Variants in CERS6 observed in about 807,000 individuals in gnomAD.
The protein encoded by CERS6 is LAG1 homolog, ceramide synthase 6.
CERS6 carries 26 observed loss-of-function variants against 56.8 expected under a neutral mutation model. The observed-to-expected ratio is 0.46, with a 90% CI of 0.34 to 0.63. CERS6 has a LOEUF of 0.63. Ranked by LOEUF, CERS6 falls within the 30% of genes least tolerant of loss-of-function variation. The probability of loss-of-function intolerance (pLI) is 0.01; values close to 1 mark genes in which losing one functional copy is unlikely to be tolerated. For missense variants in CERS6, 415 were observed against 467.5 expected (o/e 0.89, Z 1.04); for synonymous variants, 164 against 173.3 (o/e 0.95, Z 0.42).
chr2:168,509,950 T>A (rs1017253137), intron 1 of CERS6, among the ~76,000 whole-genome samples: 6 of 152,208 alleles, frequency 3.9e-5, no homozygotes, highest in Non-Finnish European at 5.9e-5. Flanking sequence ...TTGTGTTGTT[T>A]TAGTTTCCAA....
At chr2:168,709,418 C>G (rs970943389) in intron 6 of CERS6, among the ~76,000 whole-genome samples, 2 of 148,634 alleles carry the variant, frequency 1.3e-5, no homozygotes, top group African/African-American at 2.5e-5. Flanking sequence ...TTGATTTTTC[C>G]CCCTTGTCTC....
chr2:168,583,492 G>A (rs946476022), intron 3 of CERS6, among the ~76,000 whole-genome samples: 4 of 152,130 alleles, frequency 2.6e-5, no homozygotes, highest in Non-Finnish European at 4.4e-5. Context: ...TTTCTCTTTC[G>A]AATTTGAGGA....
chr2:168,489,284 C>T (rs1694326700), intron 1 of CERS6, among the ~76,000 whole-genome samples: 3 of 152,074 alleles, frequency 2.0e-5, no homozygotes, highest in Admixed American at 6.6e-5. Context: ...AACCATTCTT[C>T]CTCTGTAATA....
rs147180556 is a variant in CERS6, at chr2:168,468,421, G to A, written c.170+11803G>A. Among the ~76,000 whole-genome samples the A allele has an allele frequency of 1.8e-3, 272 of 152,322 alleles. 1 individual carries two copies. The highest frequency in any genetic ancestry group is 6.3e-3 in the African/African-American group (262 of 41,582). On this transcript the variant is annotated intron_variant, in intron 1 of 9. Coordinates refer to ENST00000305747, the MANE Select transcript of CERS6 (RefSeq NM_203463.3). ...TTTATATTGACTTAAGACCTGGGCT[G>A]TGTTTTGGCCCTGCCACTTGCTAGC...
intron 3 of CERS6, among the ~76,000 whole-genome samples, chr2:168,572,780 A>G (rs1352196825): frequency 6.6e-6 from 1 of 151,926 alleles, no homozygotes; most frequent in East Asian, 1.9e-4. Flanking sequence ...GTTTGCATCC[A>G]TCTCTGCTGT....
intron 1 of CERS6, among the ~76,000 whole-genome samples, chr2:168,543,896 C>T (rs1383867478): frequency 2.0e-5 from 3 of 152,128 alleles, no homozygotes; most frequent in Non-Finnish European, 4.4e-5. Context: ...GGTCAGTCTC[C>T]TACCTTCTGG....
At chr2:168,659,707 T>A (rs1416661158) in intron 4 of CERS6, among the ~76,000 whole-genome samples, 23 of 152,108 alleles carry the variant, frequency 1.5e-4, no homozygotes, top group Admixed American at 1.5e-3. Context: ...GTTTTTTTTT[T>A]AATCACCTAA....
intron 3 of CERS6, among the ~76,000 whole-genome samples, chr2:168,585,372 G>A (rs1388848002): frequency 6.6e-6 from 1 of 152,248 alleles, no homozygotes; most frequent in Non-Finnish European, 1.5e-5. Context: ...ATTCCCCAAG[G>A]AGCTCATGTT....
At chr2:168,625,597 C>A (rs1317360092) in intron 3 of CERS6, among the ~76,000 whole-genome samples, 2 of 152,118 alleles carry the variant, frequency 1.3e-5, no homozygotes, top group African/African-American at 2.4e-5. Flanking sequence ...AATTCAAAGG[C>A]TTGTGGCTGT....
At chr2:168,635,143 A>T (rs1218504111) in intron 4 of CERS6, among the ~76,000 whole-genome samples, 1 of 152,124 alleles carries the variant, frequency 6.6e-6, no homozygotes, top group Non-Finnish European at 1.5e-5. Context: ...CACCCCACTG[A>T]GGTATAGTGG....
intron 1 of CERS6, among the ~76,000 whole-genome samples, chr2:168,494,063 T>G (rs1443527067): frequency 6.6e-6 from 1 of 152,144 alleles, no homozygotes. Context: ...TCCAGTGTTG[T>G]AGGAGGAATC....
chr2:168,613,897 A>G (rs1684245979), intron 3 of CERS6, among the ~76,000 whole-genome samples: 1 of 152,268 alleles, frequency 6.6e-6, no homozygotes, highest in Admixed American at 6.5e-5. Context: ...CAGTATGAAT[A>G]TAGCTGATGT....
At chr2:168,724,408 T>C (rs1004450960) in intron 8 of CERS6, among the ~76,000 whole-genome samples, 2 of 152,136 alleles carry the variant, frequency 1.3e-5, no homozygotes, top group African/African-American at 4.8e-5. Flanking sequence ...GAAGGCAACC[T>C]GAGTGGGTGG....
At chr2:168,631,071 T>C (rs1684705081) in intron 4 of CERS6, 29 bp downstream of exon 4, 7 of 1,205,524 alleles carry the variant, frequency 5.8e-6, no homozygotes, top group Admixed American at 2.1e-5. Context: ...TTTTACATGA[T>C]TCTTATGTAA....
chr2:168,592,872 A>C (rs1463359690), intron 3 of CERS6, among the ~76,000 whole-genome samples: 1 of 152,208 alleles, frequency 6.6e-6, no homozygotes, highest in African/African-American at 2.4e-5. Context: ...TTAGTGGCTT[A>C]AAATAACACA....
chr2:168,720,070 G>GCA (rs1687322268), intron 8 of CERS6, among the ~76,000 whole-genome samples: 1 of 66,658 alleles, frequency 1.5e-5, no homozygotes, highest in Non-Finnish European at 5.9e-5. Context: ...TGAGACTACA[G>GCA]CACGCACCAC....
At position 168,771,084 on chromosome 2, in the gene CERS6, A is replaced by G. The variant is rs1684849938; in HGVS notation, c.*1422A>G. The G allele has an allele frequency of 6.6e-6, 1 of 152,186 alleles. No homozygotes were observed. The highest frequency in any genetic ancestry group is 2.4e-5 in the African/African-American group (1 of 41,448). 9.4% of individuals were successfully genotyped at this position (152,186 alleles called of 1,614,324 possible). A position where few individuals can be genotyped will look rare whatever the true frequency, so the allele number is the denominator to read the frequency against. On this transcript the variant is annotated 3_prime_UTR_variant, in exon 10 of 10. Transcript: ENST00000305747. ...AAAGGGATTATAAAACCCTTCATAA[A>G]TCAAGAAGGCCATCACTTAGAACGA...
chr2:168,702,741 G>C (rs540270799), intron 6 of CERS6, among the ~76,000 whole-genome samples: 1 of 152,290 alleles, frequency 6.6e-6, no homozygotes, highest in Admixed American at 6.5e-5. Flanking sequence ...TATGATTTTA[G>C]ATTCCATATT....
At chr2:168,666,629 C>T (rs1006073007) in intron 4 of CERS6, among the ~76,000 whole-genome samples, 3 of 152,156 alleles carry the variant, frequency 2.0e-5, no homozygotes, top group Admixed American at 6.5e-5. Context: ...GGGCGTGAGT[C>T]TTCAGTTCAT....
Sources: gnomAD v4.1 joint callset for allele counts (sites outside exome capture counted in the v4.1 genomes callset) on GRCh38, gnomAD v4.1.1 for gene constraint, MANE v1.5 for transcripts, NCBI Gene and HGNC (gene_info 2026-07-23, HGNC 2026-07-21) for gene names.